CNTN5: variants seen among roughly 807,000 people sequenced by gnomAD.
The protein encoded by CNTN5 is contactin-5.
In CNTN5, 77 loss-of-function variants were observed where a neutral mutation model predicts 129.1. That is an observed-to-expected ratio of 0.60 (90% CI 0.50 to 0.72). CNTN5 has a LOEUF of 0.72. CNTN5 is among the 30% of genes least tolerant of loss of function. The pLI, the probability that CNTN5 is intolerant of heterozygous loss-of-function variation, is 0.00. For synonymous variants in CNTN5, 509 were observed against 465.6 expected, an observed-to-expected ratio of 1.09 and a Z score of -1.20; for missense variants, 1,478 against 1,328.8, an observed-to-expected ratio of 1.11 and a Z score of -1.75.
intron 3 of CNTN5, among the ~76,000 whole-genome samples, chr11:99,755,893 A>G: frequency 6.6e-6 from 1 of 152,138 alleles, no homozygotes; most frequent in East Asian, 1.9e-4. Flanking sequence ...TATGAATAAA[A>G]GCTGGCAAAC....
chr11:100,083,471 G>A (rs374512808), intron 13 of CNTN5, among the ~76,000 whole-genome samples: 2 of 151,976 alleles, frequency 1.3e-5, no homozygotes, highest in African/African-American at 2.4e-5. Flanking sequence ...TTCCTACCAG[G>A]CCCCATCTCC....
intron 16 of CNTN5, 71 bp downstream of exon 16, chr11:100,224,883 T>C (rs1949339960): frequency 4.6e-6 from 7 of 1,512,986 alleles, no homozygotes; most frequent in Non-Finnish European, 6.4e-6. Context: ...TTTAAATGCA[T>C]GGACTTTGAG....
chr11:99,062,555 T>C (rs1281519323), intron 1 of CNTN5, among the ~76,000 whole-genome samples: 1 of 152,062 alleles, frequency 6.6e-6, no homozygotes, highest in Non-Finnish European at 1.5e-5. Flanking sequence ...GTGAGAAACA[T>C]TTATAACTCT....
At chr11:99,774,803 A>G (rs1197969519) in intron 3 of CNTN5, among the ~76,000 whole-genome samples, 1 of 152,080 alleles carries the variant, frequency 6.6e-6, no homozygotes, top group Non-Finnish European at 1.5e-5. Context: ...GGCTACCCAT[A>G]ATAAATCCGC....
intron 18 of CNTN5, among the ~76,000 whole-genome samples, chr11:100,285,474 G>C (rs1349775973): frequency 6.6e-6 from 1 of 152,118 alleles, no homozygotes; most frequent in Non-Finnish European, 1.5e-5. Context: ...GCAAACCCGT[G>C]GCTGGCCTTC....
chr11:99,556,179 A>C lies in CNTN5; in HGVS notation c.-36A>C, dbSNP rs1388014793. On this transcript the variant is annotated 5_prime_UTR_variant, in exon 3 of 25. An upstream open reading frame in the 5' UTR loses its in-frame stop. Transcript: ENST00000524871. ...TAATGAAGAAACACCAGAGCTGTTAAACACATTGAGACACAGAAGATTCTA... is the reference window on the plus strand; with the variant it reads ...TAATGAAGAAACACCAGAGCTGTTACACACATTGAGACACAGAAGATTCTA... 1 of 1,343,892 alleles carries C rather than the reference A, an allele frequency of 7.4e-7. No homozygotes were observed. Among genetic ancestry groups the C allele is most frequent in the African/African-American group, 1.5e-5 (1 of 68,064 alleles). The allele number at this position is 1,343,892 out of a possible 1,614,324, so 83.2% of individuals were successfully genotyped here.
intron 3 of CNTN5, among the ~76,000 whole-genome samples, chr11:99,737,580 C>A (rs1216287481): frequency 6.6e-6 from 1 of 152,048 alleles, no homozygotes; most frequent in Admixed American, 6.6e-5. Flanking sequence ...ATAGGGAAAG[C>A]ACTGAAAAAA....
At chr11:99,524,241 G>A (rs929101788) in intron 2 of CNTN5, among the ~76,000 whole-genome samples, 2 of 152,038 alleles carry the variant, frequency 1.3e-5, no homozygotes, top group Non-Finnish European at 2.9e-5. Flanking sequence ...GTCACTATTT[G>A]GAGGATATTC....
intron 1 of CNTN5, among the ~76,000 whole-genome samples, chr11:99,227,307 C>G (rs1860743697): frequency 6.6e-6 from 1 of 151,472 alleles, no homozygotes; most frequent in African/African-American, 2.4e-5. Context: ...TTGCAGTTAG[C>G]TGAGATGGCA....
At chr11:99,197,830 T>A (rs1322593074) in intron 1 of CNTN5, among the ~76,000 whole-genome samples, 1 of 152,136 alleles carries the variant, frequency 6.6e-6, no homozygotes. Context: ...TGATTTATTA[T>A]TTTCTAATAG....
chr11:99,807,865 G>GT (rs1473834082), intron 3 of CNTN5, among the ~76,000 whole-genome samples: 2 of 152,072 alleles, frequency 1.3e-5, no homozygotes, highest in Non-Finnish European at 2.9e-5. Flanking sequence ...AGATGATTTT[G>GT]TTCTGTAGTG....
intron 6 of CNTN5, among the ~76,000 whole-genome samples, chr11:99,859,510 C>A (rs1948142571): frequency 6.6e-6 from 1 of 152,136 alleles, no homozygotes; most frequent in Admixed American, 6.6e-5. Flanking sequence ...TCCCCCCAAC[C>A]CCACTTAATA....
chr11:99,154,096 G>T (rs1357267909), intron 1 of CNTN5, among the ~76,000 whole-genome samples: 1 of 152,146 alleles, frequency 6.6e-6, no homozygotes. Context: ...CTTCACCAGG[G>T]TGCTGGCAGG....
chr11:99,094,443 T>G (rs1311160024), intron 1 of CNTN5, among the ~76,000 whole-genome samples: 1 of 151,982 alleles, frequency 6.6e-6, no homozygotes, highest in Non-Finnish European at 1.5e-5. Context: ...AATAGCCCCT[T>G]GTGGCATAAG....
intron 3 of CNTN5, among the ~76,000 whole-genome samples, chr11:99,792,538 GGTGTGT>G (rs111267307): frequency 2.5e-4 from 32 of 127,826 alleles, no homozygotes; most frequent in African/African-American, 3.2e-4. Flanking sequence ...CCTGAAGAGG[GGTGTGT>G]GTGTGTGTGT....
chr11:99,166,962 A>G (rs2135529360), intron 1 of CNTN5, among the ~76,000 whole-genome samples: 1 of 152,258 alleles, frequency 6.6e-6, no homozygotes, highest in East Asian at 1.9e-4. Context: ...ATTTTTGTAA[A>G]GCGCAAGTGA....
At chr11:99,092,212 CCTTT>C (rs1414308867) in intron 1 of CNTN5, among the ~76,000 whole-genome samples, 2 of 152,036 alleles carry the variant, frequency 1.3e-5, no homozygotes, top group Non-Finnish European at 2.9e-5. Context: ...ATCAATATAA[CCTTT>C]CTAACAATTT....
chr11:99,568,796 G>A (rs1216078991), intron 3 of CNTN5, among the ~76,000 whole-genome samples: 1 of 152,134 alleles, frequency 6.6e-6, no homozygotes, highest in South Asian at 2.1e-4. Flanking sequence ...AGCTCTTTGA[G>A]AAAAATCCTA....
At chr11:99,300,341 TTTATC>T (rs1271094436) in intron 1 of CNTN5, among the ~76,000 whole-genome samples, 2 of 152,136 alleles carry the variant, frequency 1.3e-5, no homozygotes, top group African/African-American at 2.4e-5. Context: ...GATGCTGTAT[TTTATC>T]TAATGCTTTT....
Sources: gnomAD v4.1 joint callset for allele counts (sites outside exome capture counted in the v4.1 genomes callset) on GRCh38, gnomAD v4.1.1 for gene constraint, MANE v1.5 for transcripts, NCBI Gene and HGNC (gene_info 2026-07-23, HGNC 2026-07-21) for gene names.